Variants in CDK3 observed in about 807,000 individuals in gnomAD.
The protein encoded by CDK3 is cyclin dependent kinase 3.
A neutral mutation model predicts 30.2 loss-of-function variants in CDK3; 24 were observed. The observed-to-expected ratio is 0.79, with a 90% CI of 0.57 to 1.12. CDK3 has a LOEUF of 1.12. Among genes scored for constraint, CDK3 ranks in the 50% most tolerant of loss-of-function variants. The pLI, the probability that CDK3 is intolerant of heterozygous loss-of-function variation, is 0.00. For synonymous variants in CDK3, 158 were observed against 154.2 expected (o/e 1.02, Z -0.18); for missense variants, 345 against 376.0 (o/e 0.92, Z 0.68).
chr17:76,001,341 C>T lies in CDK3; in HGVS notation c.-14-71C>T. On this transcript the variant is annotated intron_variant, in intron 1 of 7. Transcript: ENST00000448471. This position sits in a 1 kb window ranked among gnomAD's most constrained non-coding sequence, Gnocchi z 6.2. ...CTGGGCTGGGCTGGGCAGGGCGCCA[C>T]ATGGAAGCTGGAGGAGCAACGGGAG... 1 of 1,597,444 alleles carries T rather than the reference C, an allele frequency of 6.3e-7. No homozygotes were observed. The highest frequency in any genetic ancestry group is 2.3e-5 in the East Asian group (1 of 44,386).
intron 7 of CDK3, among the ~76,000 whole-genome samples, chr17:76,004,045 G>A (rs1372381913): frequency 6.6e-6 from 1 of 151,766 alleles, no homozygotes; most frequent in African/African-American, 2.4e-5. Flanking sequence ...TGCCCGGCTG[G>A]GGCCTCTCGT....
At position 76,001,883 on chromosome 17, in the gene CDK3, G is replaced by A. The variant is rs1251547694; in HGVS notation, c.126G>A (p.Glu42=). 12 of 1,613,174 alleles carry A rather than the reference G, an allele frequency of 7.4e-6. No individual in the cohort carries two copies. The highest frequency in any genetic ancestry group is 8.5e-6 in the Non-Finnish European group (10 of 1,179,272). ...LKKIRLDLEM[E]GVPSTAIREI... ...CCCTTGTTTCTTGCAGGGAGATGGA[G>A]GGGGTCCCAAGCACTGCCATCAGGG... Residue 42 remains glutamate (E), a synonymous_variant, in exon 3 of 8, where the codon GAG becomes GAA. Transcript: ENST00000448471. This position sits in a 1 kb window ranked among gnomAD's most constrained non-coding sequence, Gnocchi z 6.2.
In CDK3 at chr17:76,005,304, C is replaced by T; in HGVS notation, c.799C>T (p.Leu267=). The change falls in exon 8 of 8, where the codon CTG becomes TTG. Residue 267 remains leucine (L), a synonymous_variant. Coordinates refer to ENST00000448471, the MANE Select transcript of CDK3 (RefSeq NM_001258.4). This position sits in a 1 kb window ranked among gnomAD's most constrained non-coding sequence, Gnocchi z 4.7. ...CTTCCTTCTTTCTTCCTAGCAACTC[C>T]TGCAGTATGACCCCAGCCAGCGGAT... ...PEGRDLLMQL[L]QYDPSQRITA... 1 of 1,613,958 alleles carries T rather than the reference C, an allele frequency of 6.2e-7. No homozygotes were observed. The highest frequency in any genetic ancestry group is 8.5e-7 in the Non-Finnish European group (1 of 1,179,916).
Position 76,002,673 on chromosome 17 carries a change from T to TG in CDK3, c.588+65dup. On this transcript the variant is annotated intron_variant, in intron 6 of 7. Coordinates refer to ENST00000448471, the MANE Select transcript of CDK3 (RefSeq NM_001258.4). The surrounding 1 kb of genome is among the most constrained non-coding windows in gnomAD (Gnocchi z 4.3). ...CAGGCAGGGTCCTACTGGGGTTGGGTGGGGTCCACTGATGCTCCCATTCGA... is the reference window on the plus strand; with the variant it reads ...CAGGCAGGGTCCTACTGGGGTTGGGTGGGGGTCCACTGATGCTCCCATTCGA... 1.3e-6 allele frequency: 1 copy of TG among 773,622 alleles called. No individual in the cohort carries two copies. Among genetic ancestry groups the TG allele is most frequent in the Non-Finnish European group, 2.4e-6 (1 of 415,958 alleles). 47.9% of individuals were successfully genotyped at this position (773,622 alleles called of 1,614,324 possible). A position where few individuals can be genotyped will look rare whatever the true frequency, so the allele number is the denominator to read the frequency against.
chr17:76,001,321 C>A lies in CDK3; in HGVS notation c.-14-91C>A. 6.4e-7 allele frequency: 1 copy of A among 1,567,832 alleles called. No individual in the cohort carries two copies. Among genetic ancestry groups the A allele is most frequent in the Non-Finnish European group, 8.6e-7 (1 of 1,159,926 alleles). On this transcript the variant is annotated intron_variant, in intron 1 of 7. Transcript: ENST00000448471. This position sits in a 1 kb window ranked among gnomAD's most constrained non-coding sequence, Gnocchi z 6.2. ...TGGGAGCTGGGCAGTCTGGGCTGGG[C>A]TGGGCTGGGCAGGGCGCCACATGGA...
chr17:76,001,590 C>T lies in CDK3; in HGVS notation c.116+49C>T, dbSNP rs755792364. 8 of 1,482,232 alleles carry T rather than the reference C, an allele frequency of 5.4e-6. No individual in the cohort carries two copies. Among genetic ancestry groups the T allele is most frequent in the Non-Finnish European group, 7.5e-6 (8 of 1,067,156 alleles). The allele number at this position is 1,482,232 out of a possible 1,614,324, so 91.8% of individuals were successfully genotyped here. A position where few individuals can be genotyped will look rare whatever the true frequency, so the allele number is the denominator to read the frequency against. On this transcript the variant is annotated intron_variant, in intron 2 of 7. Transcript: ENST00000448471. The surrounding 1 kb of genome is among the most constrained non-coding windows in gnomAD (Gnocchi z 6.2). ...GTTACCCACCCTGGGCCATCACAAC[C>T]TGGGCGCTCCCTGATCCGTTCCCTC... is the stretch of plus-strand genomic sequence containing the variant.
In CDK3 at chr17:76,005,348, G is replaced by A. The variant is rs1375540990; in HGVS notation, c.843G>A (p.Leu281=). Residue 281 remains leucine, a synonymous_variant, in exon 8 of 8, where the codon CTG becomes CTA. Coordinates refer to ENST00000448471, the MANE Select transcript of CDK3 (RefSeq NM_001258.4). The surrounding 1 kb of genome is among the most constrained non-coding windows in gnomAD (Gnocchi z 4.7). ...AGCGGATCACAGCCAAGACTGCCCT[G>A]GCCCACCCGTACTTCTCATCCCCTG... ...PSQRITAKTA[L]AHPYFSSPEP... 5 of 1,614,098 alleles carry A rather than the reference G, an allele frequency of 3.1e-6. No homozygotes were observed. Among genetic ancestry groups the A allele is most frequent in the Non-Finnish European group, 4.2e-6 (5 of 1,179,986 alleles).
rs1229058616 is a variant in CDK3 at position 76,003,039 on chromosome 17, G to A, written c.589-156G>A. On this transcript the variant is annotated intron_variant, in intron 6 of 7. Coordinates refer to ENST00000448471, the MANE Select transcript of CDK3 (RefSeq NM_001258.4). ...TGTTTGGTACTGGCTAAAGGACTGA[G>A]GAAGGTAGCTTTATTCCAAAAGAGG... is the stretch of plus-strand genomic sequence containing the variant. 5.8e-6 allele frequency: 4 copies of A among 688,616 alleles called. No individual in the cohort carries two copies. In the Admixed American group the frequency reaches 9.2e-5, roughly 16 times the overall value. 42.7% of individuals were successfully genotyped at this position (688,616 alleles called of 1,614,324 possible).
chr17:76,003,459 C>G, intron 7 of CDK3, 61 bp downstream of exon 7: 1 of 1,408,988 alleles, frequency 7.1e-7, no homozygotes, highest in Non-Finnish European at 9.9e-7. Flanking sequence ...CAGCCAGCCT[C>G]TTACATAACC....
In CDK3 at chr17:76,002,059, C is replaced by T; in HGVS notation, c.232C>T (p.Leu78=). 1 of 1,614,066 alleles carries T rather than the reference C, an allele frequency of 6.2e-7. No individual in the cohort carries two copies. Among genetic ancestry groups the T allele is most frequent in the South Asian group, 1.1e-5 (1 of 91,066 alleles). Residue 78 remains leucine (L), a synonymous_variant, in exon 4 of 8, where the codon CTG becomes TTG. Transcript: ENST00000448471. This position sits in a 1 kb window ranked among gnomAD's most constrained non-coding sequence, Gnocchi z 4.3. Reference sequence around the variant, plus strand: ...GGTGCACAACGAGAGGAAGCTCTATCTGGTGTTTGAGTTCCTCAGCCAGGA... The same window carrying T: ...GGTGCACAACGAGAGGAAGCTCTATTTGGTGTTTGAGTTCCTCAGCCAGGA... ...DVVHNERKLY[L]VFEFLSQDLK...
intron 7 of CDK3, among the ~76,000 whole-genome samples, chr17:76,003,915 G>A (rs1353790516): frequency 6.6e-6 from 1 of 151,604 alleles, no homozygotes; most frequent in African/African-American, 2.4e-5. Context: ...GCTAATTTTT[G>A]TATTTTTTTT....
In CDK3 at chr17:76,001,021, G is replaced by C. The variant is rs1028828150; in HGVS notation, c.-15+54G>C. On this transcript the variant is annotated intron_variant, in intron 1 of 7. Transcript: ENST00000448471. This position sits in a 1 kb window ranked among gnomAD's most constrained non-coding sequence, Gnocchi z 6.2. The stretch of plus-strand genomic sequence containing the variant: ...GCCCGGCACAAGTGAGAGGCCTGGG[G>C]GTCCATGTTGGGCTGGGCTGGGCGA... 2.3e-5 allele frequency: 26 copies of C among 1,127,968 alleles called. No individual in the cohort carries two copies. Among genetic ancestry groups the C allele is most frequent in the Non-Finnish European group, 2.6e-5 (24 of 912,328 alleles). 69.9% of individuals were successfully genotyped at this position (1,127,968 alleles called of 1,614,324 possible).
Position 76,001,206 on chromosome 17 carries a change from C to T in CDK3, c.-14-206C>T, listed in dbSNP as rs377071995. ...GGGGCCCCCTGACCCCCTTGGGGTC[C>T]GGGCTGGGCTGGGTGAGGGGCGGTT... On this transcript the variant is annotated intron_variant, in intron 1 of 7. Coordinates refer to ENST00000448471, the MANE Select transcript of CDK3 (RefSeq NM_001258.4). This position sits in a 1 kb window ranked among gnomAD's most constrained non-coding sequence, Gnocchi z 6.2. 51 of 1,401,250 alleles carry T rather than the reference C, an allele frequency of 3.6e-5. No individual in the cohort carries two copies. The South Asian group carries it at 4.1e-4, about 11-fold the overall frequency. The allele number at this position is 1,401,250 out of a possible 1,614,324, so 86.8% of individuals were successfully genotyped here.
Position 76,001,061 on chromosome 17 carries a change from C to T in CDK3, c.-15+94C>T, listed in dbSNP as rs2066253828. 2 of 1,153,090 alleles carry T rather than the reference C, an allele frequency of 1.7e-6. No homozygotes were observed. Among genetic ancestry groups the T allele is most frequent in the South Asian group, 3.7e-5 (2 of 53,978 alleles). The allele number at this position is 1,153,090 out of a possible 1,614,324, so 71.4% of individuals were successfully genotyped here. On this transcript the variant is annotated intron_variant, in intron 1 of 7. Transcript: ENST00000448471. The surrounding 1 kb of genome is among the most constrained non-coding windows in gnomAD (Gnocchi z 6.2). ...GGGCTGGGCGAGGGGTGGTCTCTGA[C>T]TTCCTGGGGGTTCTGGCTGGGATGG...
Position 76,001,946 on chromosome 17 carries a change from C to A in CDK3, c.189C>A (p.Ile63=), listed in dbSNP as rs200587883. ...TCAAGGAACTGAAGCACCCCAACAT[C>A]GTCCGGTGAGTTGGGGATTGAGGTG... ...SLLKELKHPN[I]VRLLDVVHNE... The change falls in exon 3 of 8, where the codon ATC becomes ATA. Residue 63 remains isoleucine (I), a synonymous_variant. Transcript: ENST00000448471. This position sits in a 1 kb window ranked among gnomAD's most constrained non-coding sequence, Gnocchi z 6.2. 6 of 1,613,790 alleles carry A rather than the reference C, an allele frequency of 3.7e-6. No individual in the cohort carries two copies. In the Admixed American group the frequency reaches 6.7e-5, roughly 18 times the overall value.
At position 76,002,967 on chromosome 17, in the gene CDK3, A is replaced by T; in HGVS notation, c.589-228A>T. The T allele has an allele frequency of 1.7e-6, 1 of 578,926 alleles. No individual in the cohort carries two copies. The highest frequency in any genetic ancestry group is 3.1e-6 in the Non-Finnish European group (1 of 324,898). The allele number at this position is 578,926 out of a possible 1,614,324, so 35.9% of individuals were successfully genotyped here. ...AGCTGTGATCGCACGACTGCACTCT[A>T]GCCTGGGTGACAGAGCAAGACTCCG... On this transcript the variant is annotated intron_variant, in intron 6 of 7. Coordinates refer to ENST00000448471, the MANE Select transcript of CDK3 (RefSeq NM_001258.4). This position sits in a 1 kb window ranked among gnomAD's most constrained non-coding sequence, Gnocchi z 4.3.
Position 76,001,306 on chromosome 17 carries a change from G to C in CDK3, c.-14-106G>C. 6.5e-7 allele frequency: 1 copy of C among 1,546,344 alleles called. No individual in the cohort carries two copies. Among genetic ancestry groups the C allele is most frequent in the Non-Finnish European group, 8.7e-7 (1 of 1,149,774 alleles). ...CTAGGCCGTGGGCCTTGGGAGCTGGGCAGTCTGGGCTGGGCTGGGCTGGGC... is the reference window on the plus strand; with the variant it reads ...CTAGGCCGTGGGCCTTGGGAGCTGGCCAGTCTGGGCTGGGCTGGGCTGGGC... On this transcript the variant is annotated intron_variant, in intron 1 of 7. Transcript: ENST00000448471. The surrounding 1 kb of genome is among the most constrained non-coding windows in gnomAD (Gnocchi z 6.2).
At position 76,001,143 on chromosome 17, in the gene CDK3, GA is replaced by G; in HGVS notation, c.-15+178del. The G allele has an allele frequency of 5.4e-6, 7 of 1,289,172 alleles. No homozygotes were observed. The highest frequency in any genetic ancestry group is 6.9e-6 in the Non-Finnish European group (7 of 1,008,118). The allele number at this position is 1,289,172 out of a possible 1,614,324, so 79.9% of individuals were successfully genotyped here. A position where few individuals can be genotyped will look rare whatever the true frequency, so the allele number is the denominator to read the frequency against. On this transcript the variant is annotated intron_variant, in intron 1 of 7. Coordinates refer to ENST00000448471, the MANE Select transcript of CDK3 (RefSeq NM_001258.4). The surrounding 1 kb of genome is among the most constrained non-coding windows in gnomAD (Gnocchi z 6.2). ...GCCCTCCGAGGCCGGGCATGGGCGA[GA>G]AGCCTGGGGGTCCTGGCTGAACTGG...
In CDK3 at chr17:76,005,325, C is replaced by T. The variant is rs201330551; in HGVS notation, c.820C>T (p.Arg274Trp). 9.9e-6 allele frequency: 16 copies of T among 1,613,968 alleles called. No individual in the cohort carries two copies. The East Asian group carries it at 2.0e-4, about 20-fold the overall frequency. The change falls in exon 8 of 8, where the codon CGG becomes TGG. Residue 274 changes from arginine to tryptophan, a missense_variant. Transcript: ENST00000448471. This position sits in a 1 kb window ranked among gnomAD's most constrained non-coding sequence, Gnocchi z 4.7. ...MQLLQYDPSQ[R>W]ITAKTALAHP... ...ACTCCTGCAGTATGACCCCAGCCAG[C>T]GGATCACAGCCAAGACTGCCCTGGC...
Sources: gnomAD v4.1 joint callset for allele counts (sites outside exome capture counted in the v4.1 genomes callset) on GRCh38, gnomAD v4.1.1 for gene constraint, Gnocchi (gnomAD v3.1) non-coding constraint, MANE v1.5 for transcripts, NCBI Gene and HGNC (gene_info 2026-07-23, HGNC 2026-07-21) for gene names.